The following MYT1L variants were observed in gnomAD, a reference collection of about 807,000 sequenced individuals.
MYT1L encodes the protein myelin transcription factor 1 like.
MYT1L carries 12 observed loss-of-function variants against 126.7 expected under a neutral mutation model. The observed-to-expected ratio is 0.09, with a 90% CI of 0.06 to 0.15. The LOEUF is 0.15. MYT1L is among the 10% of genes least tolerant of loss of function. The pLI is 1.00. For synonymous variants in MYT1L, 541 were observed against 604.2 expected (o/e 0.90, Z 1.53); for missense variants, 979 against 1,585.2 (o/e 0.62, Z 6.49).
At chr2:2,054,156 C>G (rs528201948) in intron 3 of MYT1L, 33 bp from the exon 4 acceptor site, 1 of 152,620 alleles carries the variant, frequency 6.6e-6, no homozygotes, top group African/African-American at 2.4e-5. Context: ...AATAATGAGG[C>G]TGATATTCAC....
chr2:2,011,648 TC>T (rs1240387551), intron 4 of MYT1L, among the ~76,000 whole-genome samples: 1 of 152,016 alleles, frequency 6.6e-6, no homozygotes, highest in Non-Finnish European at 1.5e-5. Flanking sequence ...GGGATTTCTA[TC>T]CAGAATATAT....
chr2:1,843,101 C>A (rs533604413), intron 19 of MYT1L, among the ~76,000 whole-genome samples: 1 of 152,358 alleles, frequency 6.6e-6, no homozygotes, highest in African/African-American at 2.4e-5. Context: ...GCTGGGCTCT[C>A]CCTGCAACCC....
chr2:2,236,830 T>G (rs1572724394), intron 2 of MYT1L, among the ~76,000 whole-genome samples: 4 of 143,036 alleles, frequency 2.8e-5, no homozygotes, highest in Non-Finnish European at 4.5e-5. Context: ...TTTTTTTTTT[T>G]TTGATGGAGT....
rs576587340 is a variant in MYT1L at position 2,084,845 on chromosome 2, A to T, written c.-303-30722T>A. ...TGGGAAAGGAATGAATTAGCAAAAC[A>T]ATCATCTACAGTATAACCTGGTGTA... On this transcript the variant is annotated intron_variant, in intron 3 of 24. Coordinates refer to ENST00000647738, the MANE Select transcript of MYT1L (RefSeq NM_001303052.2). 5.3e-5 allele frequency among the ~76,000 whole-genome samples: 8 copies of T among 152,344 alleles called. No homozygotes were observed. In the South Asian group the frequency reaches 1.7e-3, roughly 32 times the overall value.
chr2:1,794,042 G>A (rs1405384638), intron 23 of MYT1L, among the ~76,000 whole-genome samples: 1 of 152,196 alleles, frequency 6.6e-6, no homozygotes, highest in Non-Finnish European at 1.5e-5. Context: ...TTTCTATGAC[G>A]GAATCTAATC....
At chr2:2,256,600 T>C (rs2094819458) in intron 2 of MYT1L, among the ~76,000 whole-genome samples, 1 of 152,332 alleles carries the variant, frequency 6.6e-6, no homozygotes, top group African/African-American at 2.4e-5. Context: ...TCCAAAGAGA[T>C]GCTATAACCT....
chr2:2,132,870 G>A (rs536405203), intron 3 of MYT1L, among the ~76,000 whole-genome samples: 2 of 152,156 alleles, frequency 1.3e-5, no homozygotes, highest in East Asian at 1.9e-4. Context: ...AAATGCTCAC[G>A]GTGGCCTGTT....
chr2:2,213,225 C>A (rs1003960743), intron 2 of MYT1L, among the ~76,000 whole-genome samples: 1 of 152,134 alleles, frequency 6.6e-6, no homozygotes, highest in African/African-American at 2.4e-5. Flanking sequence ...AGATAGAAAA[C>A]AAAATGCTTG....
chr2:1,816,829 G>C (rs1453928431), intron 21 of MYT1L: 3 of 152,716 alleles, frequency 2.0e-5, no homozygotes, highest in Non-Finnish European at 4.4e-5. Context: ...CTCACTGCCC[G>C]GCTGGGGGCC....
At chr2:2,150,637 C>A (rs2085606073) in intron 3 of MYT1L, among the ~76,000 whole-genome samples, 1 of 152,118 alleles carries the variant, frequency 6.6e-6, no homozygotes, top group Admixed American at 6.5e-5. Context: ...TGATCTCTAA[C>A]CTAAAAGGAT....
intron 3 of MYT1L, among the ~76,000 whole-genome samples, chr2:2,151,951 G>A (rs2085865607): frequency 6.6e-6 from 1 of 152,152 alleles, no homozygotes; most frequent in South Asian, 2.1e-4. Flanking sequence ...AGCTACTGGG[G>A]AGGCTGAGGC....
At chr2:2,148,685 T>C (rs1400134197) in intron 3 of MYT1L, among the ~76,000 whole-genome samples, 1 of 152,184 alleles carries the variant, frequency 6.6e-6, no homozygotes, top group African/African-American at 2.4e-5. Context: ...GCACGAGGTA[T>C]GAACAGACAT....
intron 2 of MYT1L, among the ~76,000 whole-genome samples, chr2:2,249,749 A>C (rs2094599925): frequency 2.0e-5 from 3 of 152,098 alleles, no homozygotes; most frequent in Admixed American, 6.6e-5. Context: ...ACCTACAGAA[A>C]GGGAGAAAAT....
chr2:2,005,942 G>A (rs1477113619), intron 4 of MYT1L, among the ~76,000 whole-genome samples: 1 of 147,938 alleles, frequency 6.8e-6, no homozygotes. Context: ...TTTCCTGCAT[G>A]TGTTCTTTCC....
chr2:2,266,221 T>C (rs998313752), intron 2 of MYT1L, among the ~76,000 whole-genome samples: 2 of 152,196 alleles, frequency 1.3e-5, no homozygotes, highest in African/African-American at 2.4e-5. Flanking sequence ...AATTGACTCA[T>C]GGTACAGCAA....
In MYT1L at chr2:1,887,557, C is replaced by A; in HGVS notation, c.2573G>T (p.Gly858Val). 7 of 1,613,972 alleles carry A rather than the reference C, an allele frequency of 4.3e-6. No homozygotes were observed. Among genetic ancestry groups the A allele is most frequent in the Non-Finnish European group, 5.9e-6 (7 of 1,179,888 alleles). Reference sequence around the variant, plus strand: ...TTTGGGACTTGGGATGGTCACCTCCCCGGGATACCGTCTTTCTTCTAGAGC... The same window carrying A: ...TTTGGGACTTGGGATGGTCACCTCCACGGGATACCGTCTTTCTTCTAGAGC... Reference protein sequence around the residue: ...QEALEERRYPGEVTIPSPKPK... With the variant: ...QEALEERRYPVEVTIPSPKPK... Residue 858 changes from glycine (G) to valine (V), a missense_variant, in exon 17 of 25, where the codon GGG becomes GTG. Coordinates refer to ENST00000647738, the MANE Select transcript of MYT1L (RefSeq NM_001303052.2). This position sits in a 1 kb window ranked among gnomAD's most constrained non-coding sequence, Gnocchi z 4.8.
At chr2:1,807,492 G>A (rs1182988964) in intron 22 of MYT1L, among the ~76,000 whole-genome samples, 1 of 152,164 alleles carries the variant, frequency 6.6e-6, no homozygotes, top group African/African-American at 2.4e-5. Flanking sequence ...AGCTTTGTAG[G>A]GTGGATCTGT....
chr2:1,832,638 G>A (rs537099866), intron 21 of MYT1L, among the ~76,000 whole-genome samples: 13 of 152,244 alleles, frequency 8.5e-5, no homozygotes, highest in African/African-American at 2.4e-4. Flanking sequence ...CTGCCTGCCC[G>A]TCCATTCCAG....
intron 2 of MYT1L, among the ~76,000 whole-genome samples, chr2:2,221,737 G>T (rs917241585): frequency 2.0e-5 from 3 of 152,190 alleles, no homozygotes; most frequent in African/African-American, 7.2e-5. Flanking sequence ...CTTCAGTAAG[G>T]TCTTGTCTGA....
Sources: allele counts gnomAD v4.1 joint callset (sites outside exome capture counted in the v4.1 genomes callset), GRCh38; gene constraint gnomAD v4.1.1; non-coding constraint Gnocchi (gnomAD v3.1); transcripts MANE v1.5; gene names NCBI Gene and HGNC (gene_info 2026-07-23, HGNC 2026-07-21).